SLC25A21: variants seen among roughly 807,000 people sequenced by gnomAD.
SLC25A21 encodes the protein solute carrier family 25 member 21, also known as mitochondrial 2-oxodicarboxylate carrier.
A neutral mutation model predicts 43.8 loss-of-function variants in SLC25A21; 47 were observed. The ratio of observed to expected loss-of-function variants is 1.07; its 90% CI spans 0.85 to 1.37. SLC25A21 has a LOEUF of 1.37. Ranked by LOEUF, SLC25A21 falls within the 40% of genes most tolerant of loss-of-function variation. SLC25A21 has a pLI of 0.00. For synonymous variants in SLC25A21, 131 were observed against 121.3 expected (o/e 1.08, Z -0.52); for missense variants, 352 against 350.2 (o/e 1.00, Z -0.04).
intron 1 of SLC25A21, among the ~76,000 whole-genome samples, chr14:37,007,600 A>AAATAATAAT (rs140657266): frequency 0.039 from 5,729 of 148,068 alleles, 213 homozygotes; most frequent in African/African-American, 0.092. Flanking sequence ...TCCCTCTCAA[A>AAATAATAAT]AATAATAATA....
At chr14:36,814,023 A>T in intron 2 of SLC25A21, 22 bp from the exon 3 acceptor site, 1 of 1,562,838 alleles carries the variant, frequency 6.4e-7, no homozygotes, top group Non-Finnish European at 8.7e-7. Flanking sequence ...ATCAAACCAA[A>T]AATTCTAAGT....
intron 7 of SLC25A21, among the ~76,000 whole-genome samples, chr14:36,685,715 C>A (rs1344269922): frequency 6.6e-6 from 1 of 152,176 alleles, no homozygotes; most frequent in African/African-American, 2.4e-5. Context: ...TGATTTTCCA[C>A]CCCTCCCTGC....
chr14:37,041,350 T>C (rs891382716), intron 1 of SLC25A21, among the ~76,000 whole-genome samples: 4 of 152,166 alleles, frequency 2.6e-5, no homozygotes, highest in African/African-American at 4.8e-5. Context: ...AAATGACCCA[T>C]GTGCATTATC....
chr14:37,099,977 C>T (rs1235541434), intron 1 of SLC25A21, among the ~76,000 whole-genome samples: 1 of 152,150 alleles, frequency 6.6e-6, no homozygotes, highest in Non-Finnish European at 1.5e-5. Context: ...TCTTCACATC[C>T]TCCTCTCCCT....
chr14:36,721,690 A>T (rs982454763), intron 6 of SLC25A21, among the ~76,000 whole-genome samples: 5 of 152,172 alleles, frequency 3.3e-5, no homozygotes, highest in Non-Finnish European at 5.9e-5. Context: ...CTATAAATGA[A>T]ATCATGGCAC....
chr14:36,762,114 T>C (rs1035471963), intron 3 of SLC25A21, among the ~76,000 whole-genome samples: 2 of 152,176 alleles, frequency 1.3e-5, no homozygotes, highest in African/African-American at 2.4e-5. Context: ...ACACCACCAA[T>C]GCTAGCCAGA....
At chr14:36,978,297 C>T (rs1167509725) in intron 1 of SLC25A21, among the ~76,000 whole-genome samples, 1 of 152,160 alleles carries the variant, frequency 6.6e-6, no homozygotes, top group African/African-American at 2.4e-5. Flanking sequence ...AGGTGAGTCA[C>T]ACAAATTTGT....
At chr14:36,721,675 T>C (rs1200017115) in intron 6 of SLC25A21, among the ~76,000 whole-genome samples, 2 of 152,340 alleles carry the variant, frequency 1.3e-5, no homozygotes, top group East Asian at 1.9e-4. Flanking sequence ...ATATGGGTTC[T>C]GCTCCTATAA....
intron 1 of SLC25A21, among the ~76,000 whole-genome samples, chr14:36,966,755 T>A (rs1468361616): frequency 6.6e-6 from 1 of 152,178 alleles, no homozygotes; most frequent in East Asian, 1.9e-4. Context: ...CTATTGAAAT[T>A]AAAGCATTCT....
chr14:37,079,785 A>G (rs1448732043), intron 1 of SLC25A21, among the ~76,000 whole-genome samples: 1 of 152,104 alleles, frequency 6.6e-6, no homozygotes, highest in Non-Finnish European at 1.5e-5. Flanking sequence ...CCTATCCCCA[A>G]TCCAAATGTC....
At chr14:37,075,967 G>A (rs1962272397) in intron 1 of SLC25A21, among the ~76,000 whole-genome samples, 1 of 152,200 alleles carries the variant, frequency 6.6e-6, no homozygotes, top group Non-Finnish European at 1.5e-5. Flanking sequence ...CAAATGATGA[G>A]GGCCAGCGGA....
intron 6 of SLC25A21, among the ~76,000 whole-genome samples, chr14:36,717,434 G>C (rs1347979878): frequency 1.3e-5 from 2 of 152,226 alleles, no homozygotes; most frequent in African/African-American, 4.8e-5. Context: ...CCGGTGAGTG[G>C]AGAAGAATTT....
chr14:36,920,824 T>C (rs1891960460), intron 1 of SLC25A21, among the ~76,000 whole-genome samples: 1 of 152,100 alleles, frequency 6.6e-6, no homozygotes. Context: ...AGAGGAGCAC[T>C]AGCAATTTCA....
intron 3 of SLC25A21, among the ~76,000 whole-genome samples, chr14:36,755,634 G>A (rs1208098900): frequency 6.6e-6 from 1 of 152,018 alleles, no homozygotes; most frequent in Admixed American, 6.5e-5. Flanking sequence ...ACCACACTTT[G>A]ACCACTCATT....
At chr14:37,096,129 C>T (rs1472669625) in intron 1 of SLC25A21, among the ~76,000 whole-genome samples, 1 of 152,068 alleles carries the variant, frequency 6.6e-6, no homozygotes, top group Non-Finnish European at 1.5e-5. Flanking sequence ...CAACTAAATG[C>T]TATACATGAC....
At chr14:37,089,898 C>T (rs1041733192) in intron 1 of SLC25A21, among the ~76,000 whole-genome samples, 3 of 152,142 alleles carry the variant, frequency 2.0e-5, no homozygotes. Context: ...CACATGTGGA[C>T]CCGTGCTAAA....
At chr14:36,896,876 T>G (rs1263329528) in intron 1 of SLC25A21, among the ~76,000 whole-genome samples, 1 of 152,238 alleles carries the variant, frequency 6.6e-6, no homozygotes, top group African/African-American at 2.4e-5. Context: ...CCGCACTCTC[T>G]GCTGGCTTGT....
chr14:36,920,737 A>G (rs1458959031), intron 1 of SLC25A21, among the ~76,000 whole-genome samples: 1 of 152,124 alleles, frequency 6.6e-6, no homozygotes, highest in Non-Finnish European at 1.5e-5. Flanking sequence ...CTGCCTGCAA[A>G]ACAAACTAAA....
At chr14:36,889,751 A>G (rs1369832340) in intron 1 of SLC25A21, among the ~76,000 whole-genome samples, 2 of 152,060 alleles carry the variant, frequency 1.3e-5, no homozygotes, top group African/African-American at 4.8e-5. Flanking sequence ...TCAGCCTCCC[A>G]AAGTGCTAGA....
Sources: allele counts gnomAD v4.1 joint callset (sites outside exome capture counted in the v4.1 genomes callset), GRCh38; gene constraint gnomAD v4.1.1; transcripts MANE v1.5; gene names NCBI Gene and HGNC (gene_info 2026-07-23, HGNC 2026-07-21).